CDH8: variants seen among roughly 807,000 people sequenced by gnomAD.
CDH8 encodes cadherin 8.
In CDH8, 17 loss-of-function variants were observed where a neutral mutation model predicts 68.1. The ratio of observed to expected loss-of-function variants is 0.25; its 90% CI spans 0.17 to 0.37. The LOEUF (loss-of-function observed/expected upper bound fraction) is 0.37, where lower values mean the gene tolerates loss of function less well. Among genes scored for constraint, CDH8 ranks in the 10% least tolerant of loss-of-function variants. The pLI, the probability that CDH8 is intolerant of heterozygous loss-of-function variation, is 1.00. For synonymous variants in CDH8, 372 were observed against 365.1 expected (o/e 1.02, Z -0.21); for missense variants, 763 against 999.3 (o/e 0.76, Z 3.19).
intron 2 of CDH8, among the ~76,000 whole-genome samples, chr16:61,983,420 A>G (rs1481356817): frequency 1.3e-5 from 2 of 152,176 alleles, no homozygotes; most frequent in African/African-American, 2.4e-5. Context: ...TCTAGTTCCC[A>G]TGACTAAGAA....
intron 1 of CDH8, among the ~76,000 whole-genome samples, chr16:62,030,881 C>T (rs1020878942): frequency 1.3e-5 from 2 of 151,970 alleles, no homozygotes; most frequent in African/African-American, 2.4e-5. Context: ...CTGATTAATA[C>T]AGAAGAGTAT....
At chr16:61,812,125 C>T (rs1567481589) in intron 7 of CDH8, among the ~76,000 whole-genome samples, 1 of 152,024 alleles carries the variant, frequency 6.6e-6, no homozygotes, top group Non-Finnish European at 1.5e-5. Context: ...AGAGTTATTG[C>T]AAGACTGAGG....
intron 4 of CDH8, among the ~76,000 whole-genome samples, chr16:61,830,350 G>A (rs766106096): frequency 1.3e-5 from 2 of 151,740 alleles, no homozygotes; most frequent in Non-Finnish European, 2.9e-5. Flanking sequence ...TCTCAGATTT[G>A]AGAAGTCAAA....
intron 8 of CDH8, among the ~76,000 whole-genome samples, chr16:61,747,232 G>A (rs1191452623): frequency 6.6e-6 from 1 of 152,078 alleles, no homozygotes; most frequent in Non-Finnish European, 1.5e-5. Context: ...AAGATATATT[G>A]AGTAAAATAT....
At chr16:61,700,647 A>G (rs2142848048) in intron 10 of CDH8, among the ~76,000 whole-genome samples, 1 of 152,254 alleles carries the variant, frequency 6.6e-6, no homozygotes, top group Admixed American at 6.5e-5. Context: ...CATTCCCAAT[A>G]ACAATGTATA....
At chr16:62,009,995 C>T (rs1008856624) in intron 2 of CDH8, among the ~76,000 whole-genome samples, 4 of 152,098 alleles carry the variant, frequency 2.6e-5, no homozygotes, top group Non-Finnish European at 5.9e-5. Flanking sequence ...AGGAGAATAA[C>T]CCCCAAATTG....
In CDH8 at chr16:62,020,006, A is replaced by G. The variant is rs1368786289; in HGVS notation, c.252+1146T>C. On this transcript the variant is annotated intron_variant, in intron 2 of 11. Transcript: ENST00000577390. ...GAAAGGCTCAATAAATATCCATGTA[A>G]TGATTCATGATATCTCCTTATGCAG... Among the ~76,000 whole-genome samples, 9 of 152,302 alleles carry G rather than the reference A, an allele frequency of 5.9e-5. No homozygotes were observed. The South Asian group carries it at 1.7e-3, about 28-fold the overall frequency.
intron 2 of CDH8, among the ~76,000 whole-genome samples, chr16:61,981,677 T>TGCGC (rs1359790500): frequency 8.7e-5 from 13 of 149,658 alleles, no homozygotes; most frequent in African/African-American, 3.0e-4. Context: ...TGTGTGTGTG[T>TGCGC]GTGTGCGCGC....
intron 2 of CDH8, among the ~76,000 whole-genome samples, chr16:61,942,243 C>G (rs1349264330): frequency 2.0e-5 from 3 of 152,086 alleles, no homozygotes; most frequent in African/African-American, 7.2e-5. Flanking sequence ...CCTGTAATCC[C>G]AGTACTTGGG....
intron 3 of CDH8, among the ~76,000 whole-genome samples, chr16:61,877,704 T>C (rs536961222): frequency 6.6e-6 from 1 of 152,144 alleles, no homozygotes; most frequent in Non-Finnish European, 1.5e-5. Context: ...CACTCATATA[T>C]TGCAACATAT....
chr16:61,869,723 T>C (rs1202861681), intron 3 of CDH8, among the ~76,000 whole-genome samples: 1 of 152,206 alleles, frequency 6.6e-6, no homozygotes, highest in Non-Finnish European at 1.5e-5. Flanking sequence ...CTTCACTAGG[T>C]GCTTATGAAA....
chr16:61,910,942 G>A lies in CDH8; in HGVS notation c.253-9469C>T, dbSNP rs189846908. 1.5e-3 allele frequency among the ~76,000 whole-genome samples: 233 copies of A among 152,170 alleles called. 1 individual carries two copies. Among genetic ancestry groups the A allele is most frequent in the Non-Finnish European group, 2.1e-3 (140 of 67,998 alleles). On this transcript the variant is annotated intron_variant, in intron 2 of 11. Coordinates refer to ENST00000577390, the MANE Select transcript of CDH8 (RefSeq NM_001796.5). ...AAGTTACTTAATAAATACATGTTTG[G>A]TACTTATTCACCCATTCAATAAGCA...
intron 2 of CDH8, among the ~76,000 whole-genome samples, chr16:61,984,350 C>T (rs553838071): frequency 6.6e-6 from 1 of 152,234 alleles, no homozygotes; most frequent in East Asian, 1.9e-4. Context: ...CTGGGGAACA[C>T]AGACATTTAA....
chr16:61,730,682 G>C (rs1243265039), intron 8 of CDH8, among the ~76,000 whole-genome samples: 2 of 151,550 alleles, frequency 1.3e-5, no homozygotes, highest in South Asian at 2.1e-4. Flanking sequence ...GATATTTCTA[G>C]ATGTTTCCTC....
chr16:61,789,520 T>A, intron 7 of CDH8, 38 bp from the exon 8 acceptor site: 1 of 1,600,436 alleles, frequency 6.2e-7, no homozygotes. Context: ...CTTCAATGTT[T>A]ATATGATCCA....
intron 8 of CDH8, among the ~76,000 whole-genome samples, chr16:61,728,911 T>C (rs12232382): frequency 0.032 from 4,815 of 151,224 alleles, 352 homozygotes; most frequent in East Asian, 0.24. Context: ...ACTTTTGTTA[T>C]AGAATTGTTA....
chr16:61,932,208 A>G (rs75824556), intron 2 of CDH8, among the ~76,000 whole-genome samples: 3 of 113,192 alleles, frequency 2.7e-5, no homozygotes, highest in Non-Finnish European at 3.9e-5. Flanking sequence ...ACTCCGTCTC[A>G]AAAAAAAAAA....
intron 2 of CDH8, among the ~76,000 whole-genome samples, chr16:62,018,305 C>T (rs1308527271): frequency 6.6e-6 from 1 of 152,178 alleles, no homozygotes; most frequent in Non-Finnish European, 1.5e-5. Flanking sequence ...CAAAAACTAG[C>T]TCTGCCCTTG....
chr16:61,971,185 T>C (rs8061176), intron 2 of CDH8, among the ~76,000 whole-genome samples: 74,752 of 152,004 alleles, frequency 0.49, 19,688 homozygotes, highest in East Asian at 0.86. Flanking sequence ...ACTCTCTTTT[T>C]GGACTCAGCC....
Sources: gnomAD v4.1 joint callset for allele counts (sites outside exome capture counted in the v4.1 genomes callset) on GRCh38, gnomAD v4.1.1 for gene constraint, MANE v1.5 for transcripts, NCBI Gene and HGNC (gene_info 2026-07-23, HGNC 2026-07-21) for gene names.